The following SRGAP2B variants were observed in gnomAD, a reference collection of about 807,000 sequenced individuals.
SRGAP2B encodes SLIT-ROBO Rho GTPase activating protein 2B.
A neutral mutation model predicts 22.2 loss-of-function variants in SRGAP2B; 9 were observed. The observed-to-expected ratio is 0.41, with a 90% confidence interval of 0.24 to 0.71. SRGAP2B has a LOEUF of 0.71. SRGAP2B is among the 30% of genes least tolerant of loss of function. The pLI, the probability that SRGAP2B is intolerant of heterozygous loss-of-function variation, is 0.35. For synonymous variants in SRGAP2B, 36 were observed against 87.4 expected, an observed-to-expected ratio of 0.41 and a Z score of 3.28; for missense variants, 114 against 235.8, an observed-to-expected ratio of 0.48 and a Z score of 3.38.
intron 2 of SRGAP2B, among the ~76,000 whole-genome samples, chr1:145,041,093 A>ATATATATG (rs1354716177): frequency 5.7e-5 from 7 of 122,326 alleles, no homozygotes; most frequent in African/African-American, 1.9e-4. Flanking sequence ...ATATATATAT[A>ATATATATG]TATATATATA....
intron 4 of SRGAP2B, among the ~76,000 whole-genome samples, chr1:144,945,696 T>C (rs2101896499): frequency 6.8e-6 from 1 of 147,526 alleles, no homozygotes; most frequent in African/African-American, 2.6e-5. Context: ...TCATCAGAAA[T>C]AATGGAGGCC....
At chr1:144,966,919 T>A (rs1173673015) in intron 3 of SRGAP2B, among the ~76,000 whole-genome samples, 1 of 145,220 alleles carries the variant, frequency 6.9e-6, no homozygotes, top group Admixed American at 6.8e-5. Context: ...GGTAAAGGGA[T>A]CAATTCAACA....
chr1:144,966,550 A>G lies in SRGAP2B; in HGVS notation c.261-10949T>C, dbSNP rs1210959780. On this transcript the variant is annotated intron_variant, in intron 3 of 9. Coordinates refer to ENST00000612199, the Ensembl canonical transcript of SRGAP2B. ...CACTGCAAAAACATGCCCAATTGTAAACACCATCGATGCTAGGAAGAAACT... is the reference window on the plus strand; with the variant it reads ...CACTGCAAAAACATGCCCAATTGTAGACACCATCGATGCTAGGAAGAAACT... Among the ~76,000 whole-genome samples, 4 of 146,874 alleles carry G rather than the reference A, an allele frequency of 2.7e-5. 2 individuals are homozygous for G. Among genetic ancestry groups the G allele is most frequent in the African/African-American group, 1.1e-4 (4 of 36,518 alleles).
chr1:144,974,030 A>C (rs1668725456), intron 3 of SRGAP2B, among the ~76,000 whole-genome samples: 1 of 151,106 alleles, frequency 6.6e-6, no homozygotes, highest in South Asian at 2.1e-4. Flanking sequence ...ATAGGACATA[A>C]GGTCCCTAGT....
chr1:144,908,647 C>T (rs1663162768), intron 5 of SRGAP2B, among the ~76,000 whole-genome samples: 1 of 148,444 alleles, frequency 6.7e-6, no homozygotes, highest in Non-Finnish European at 1.5e-5. Flanking sequence ...GATGCAAAAA[C>T]AATTGAAAAA....
intron 3 of SRGAP2B, among the ~76,000 whole-genome samples, chr1:144,993,938 T>G (rs1486287695): frequency 1.1e-4 from 16 of 150,780 alleles, no homozygotes; most frequent in Admixed American, 1.1e-3. Context: ...CAACGGAAAT[T>G]TGTAAACTTT....
At chr1:144,925,161 C>T (rs1159942734) in intron 4 of SRGAP2B, among the ~76,000 whole-genome samples, 3 of 149,660 alleles carry the variant, frequency 2.0e-5, no homozygotes, top group Non-Finnish European at 2.9e-5. Flanking sequence ...CACCACCATG[C>T]CTGGATAATT....
intron 2 of SRGAP2B, among the ~76,000 whole-genome samples, chr1:145,023,036 G>C (rs587633830): frequency 6.7e-6 from 1 of 149,794 alleles, no homozygotes; most frequent in Non-Finnish European, 1.5e-5. Flanking sequence ...ATGGCGATGC[G>C]TGCCTATAGT....
At chr1:145,024,915 C>T (rs190069396) in intron 2 of SRGAP2B, among the ~76,000 whole-genome samples, 5 of 148,932 alleles carry the variant, frequency 3.4e-5, no homozygotes, top group African/African-American at 1.0e-4. Context: ...GGTCCCACAA[C>T]GTCTACACTC....
rs587688014 is a variant in SRGAP2B, at chr1:144,931,536, T to A, written c.424-16782A>T. Among the ~76,000 whole-genome samples the A allele has an allele frequency of 4.4e-4, 67 of 150,852 alleles. 5 individuals are homozygous for A. The highest frequency in any genetic ancestry group is 1.6e-3 in the African/African-American group (66 of 40,268). On this transcript the variant is annotated intron_variant, in intron 4 of 9. Transcript: ENST00000612199. ...ATATATTCTGCAGAAAAGGTTGTGA[T>A]TCCATCTGTTAAAAAGAGAATCATA...
At chr1:144,939,355 T>G (rs563791) in intron 4 of SRGAP2B, among the ~76,000 whole-genome samples, 1 of 150,532 alleles carries the variant, frequency 6.6e-6, no homozygotes. Context: ...GTAATTAAAA[T>G]AACATCGGCC....
intron 4 of SRGAP2B, among the ~76,000 whole-genome samples, chr1:144,950,740 C>T (rs1666792825): frequency 6.7e-6 from 1 of 149,794 alleles, no homozygotes; most frequent in South Asian, 2.1e-4. Flanking sequence ...CTTCTCTGTA[C>T]AACATACTTA....
At chr1:145,093,839 G>A (rs1431848981) in intron 1 of SRGAP2B, among the ~76,000 whole-genome samples, 1 of 143,710 alleles carries the variant, frequency 7.0e-6, no homozygotes, top group African/African-American at 2.7e-5. Context: ...ACATCAAAGG[G>A]GATCAAAGCC....
At chr1:145,019,179 CAAAAAA>C (rs1169095846) in intron 2 of SRGAP2B, among the ~76,000 whole-genome samples, 4 of 40,644 alleles carry the variant, frequency 9.8e-5, no homozygotes, top group African/African-American at 3.3e-4. Context: ...CTTGTCTCTA[CAAAAAA>C]AAAAAAAAAA....
At position 145,061,681 on chromosome 1, in the gene SRGAP2B, G is replaced by A. The variant is rs587623891; in HGVS notation, c.67+31154C>T. 2.5e-4 allele frequency among the ~76,000 whole-genome samples: 38 copies of A among 149,680 alleles called. No individual in the cohort carries two copies. The East Asian group carries it at 4.7e-3, about 19-fold the overall frequency. ...CGGCTCACTGCAACCTTCGCCTCCC[G>A]GGTTCAAGAGATTCTCGTGCCTCAG... On this transcript the variant is annotated intron_variant, in intron 2 of 9. Coordinates refer to ENST00000612199, the Ensembl canonical transcript of SRGAP2B.
chr1:144,989,096 C>G (rs1669981483), intron 3 of SRGAP2B, among the ~76,000 whole-genome samples: 2 of 130,046 alleles, frequency 1.5e-5, no homozygotes, highest in African/African-American at 6.3e-5. Flanking sequence ...TCTCTCTCCC[C>G]ACCTAAGAAC....
At chr1:144,944,753 C>T (rs1666360678) in intron 4 of SRGAP2B, among the ~76,000 whole-genome samples, 3 of 139,996 alleles carry the variant, frequency 2.1e-5, no homozygotes, top group South Asian at 2.2e-4. Context: ...GCTCTGTCTC[C>T]CAGGCTGGAG....
intron 5 of SRGAP2B, among the ~76,000 whole-genome samples, chr1:144,907,104 G>A (rs1663039415): frequency 6.7e-6 from 1 of 148,186 alleles, no homozygotes; most frequent in Non-Finnish European, 1.5e-5. Flanking sequence ...CTTTGAGAGG[G>A]AGAATTAGAG....
At chr1:144,971,595 A>G (rs1570893582) in intron 3 of SRGAP2B, among the ~76,000 whole-genome samples, 2 of 150,954 alleles carry the variant, frequency 1.3e-5, no homozygotes, top group African/African-American at 4.9e-5. Flanking sequence ...TCACCTGGCC[A>G]GGAATACATT....
Sources: allele counts gnomAD v4.1 joint callset (sites outside exome capture counted in the v4.1 genomes callset), GRCh38; gene constraint gnomAD v4.1.1; transcripts MANE v1.5; gene names NCBI Gene and HGNC (gene_info 2026-07-23, HGNC 2026-07-21).